TMEM150C: variants seen among roughly 807,000 people sequenced by gnomAD.
TMEM150C encodes the protein transmembrane protein 150C.
In TMEM150C, 10 loss-of-function variants were observed where a neutral mutation model predicts 29.9. The ratio of observed to expected loss-of-function variants is 0.33; its 90% CI spans 0.21 to 0.57. The LOEUF (loss-of-function observed/expected upper bound fraction) is 0.57, where lower values mean the gene tolerates loss of function less well. TMEM150C is among the 20% of genes least tolerant of loss of function. The pLI, the probability that TMEM150C is intolerant of heterozygous loss-of-function variation, is 0.88. For synonymous variants in TMEM150C, 101 were observed against 112.5 expected, an observed-to-expected ratio of 0.90 and a Z score of 0.64; for missense variants, 251 against 303.6, an observed-to-expected ratio of 0.83 and a Z score of 1.29.
chr4:82,500,546 C>T (rs1723705152), intron 5 of TMEM150C, among the ~76,000 whole-genome samples: 1 of 152,034 alleles, frequency 6.6e-6, no homozygotes, highest in African/African-American at 2.4e-5. Context: ...GTAATACCTT[C>T]GAGCAAGAGC....
At chr4:82,529,052 C>T (rs1724747853) in intron 1 of TMEM150C, among the ~76,000 whole-genome samples, 1 of 150,858 alleles carries the variant, frequency 6.6e-6, no homozygotes, top group Non-Finnish European at 1.5e-5. Flanking sequence ...GGGCAGTCAG[C>T]ACACACGGAG....
intron 1 of TMEM150C, 27 bp downstream of exon 1, chr4:82,561,879 A>AG: frequency 1.0e-6 from 1 of 988,716 alleles, no homozygotes. Flanking sequence ...CGACGGGCCC[A>AG]GGCAGGGGAG....
At chr4:82,550,789 CAAA>C (rs751772010) in intron 1 of TMEM150C, among the ~76,000 whole-genome samples, 1 of 112,092 alleles carries the variant, frequency 8.9e-6, no homozygotes. Context: ...GACTCCGTCT[CAAA>C]AAAAAAAAAA....
In TMEM150C at chr4:82,502,916, A is replaced by C. The variant is rs1486854473; in HGVS notation, c.146T>G (p.Val49Gly). Residue 49 changes from valine (V) to glycine (G), a missense_variant, in exon 4 of 8, where the codon GTG becomes GGG. Transcript: ENST00000449862. The stretch of plus-strand genomic sequence containing the variant: ...TTACCTTATATATGGTGCATGCTTC[A>C]CACCAGGTTTCCTGGATAATAAAAA... Reference protein sequence around the residue: ...PLNSAERKPGVKHAPYISIAG... With the variant: ...PLNSAERKPGGKHAPYISIAG... The C allele has an allele frequency of 3.1e-6, 5 of 1,595,604 alleles. No individual in the cohort carries two copies. Among genetic ancestry groups the C allele is most frequent in the Non-Finnish European group, 4.3e-6 (5 of 1,170,558 alleles).
intron 1 of TMEM150C, among the ~76,000 whole-genome samples, chr4:82,532,267 G>T (rs1337832837): frequency 6.6e-6 from 1 of 152,158 alleles, no homozygotes; most frequent in Non-Finnish European, 1.5e-5. Flanking sequence ...AAATATTTCT[G>T]GATTTGTCAA....
At chr4:82,521,479 G>A (rs6835389) in intron 1 of TMEM150C, among the ~76,000 whole-genome samples, 103,596 of 152,156 alleles carry the variant, frequency 0.68, 36,873 homozygotes, top group East Asian at 0.93. Flanking sequence ...TACAGCATGC[G>A]GAACAGCCTG....
chr4:82,507,546 G>A (rs1184129363), intron 1 of TMEM150C, among the ~76,000 whole-genome samples: 4 of 152,008 alleles, frequency 2.6e-5, no homozygotes, highest in Admixed American at 2.0e-4. Context: ...CGACTCTGAT[G>A]TGCTCGCTGC....
chr4:82,529,409 C>T (rs1308437605), intron 1 of TMEM150C, among the ~76,000 whole-genome samples: 2 of 152,106 alleles, frequency 1.3e-5, no homozygotes, highest in Admixed American at 6.5e-5. Context: ...CCATCTCAGC[C>T]TCCCAAGTAG....
chr4:82,492,888 A>G (rs1203438034), intron 6 of TMEM150C, among the ~76,000 whole-genome samples: 1 of 141,258 alleles, frequency 7.1e-6, no homozygotes, highest in Admixed American at 7.1e-5. Flanking sequence ...ATATATATAT[A>G]TATATATATA....
intron 1 of TMEM150C, among the ~76,000 whole-genome samples, chr4:82,532,211 C>T (rs560349477): frequency 1.3e-5 from 2 of 152,156 alleles, no homozygotes; most frequent in Non-Finnish European, 2.9e-5. Flanking sequence ...AGTTAGCAAA[C>T]TTTTAATCAA....
intron 1 of TMEM150C, among the ~76,000 whole-genome samples, chr4:82,551,071 G>A (rs749524917): frequency 3.3e-5 from 5 of 152,144 alleles, no homozygotes; most frequent in South Asian, 2.1e-4. Context: ...AAGAGTTGGG[G>A]GAGAAAGGGA....
At chr4:82,523,153 T>C (rs1724540355) in intron 1 of TMEM150C, among the ~76,000 whole-genome samples, 1 of 151,978 alleles carries the variant, frequency 6.6e-6, no homozygotes, top group Admixed American at 6.6e-5. Flanking sequence ...GAGGAGTGGT[T>C]TTAAGGAGTT....
chr4:82,533,962 A>G (rs780234110), intron 1 of TMEM150C, among the ~76,000 whole-genome samples: 1 of 152,224 alleles, frequency 6.6e-6, no homozygotes, highest in Non-Finnish European at 1.5e-5. Context: ...TCCAAAACCA[A>G]AGTTGGTGCG....
chr4:82,510,290 CA>C (rs375456747), intron 1 of TMEM150C, among the ~76,000 whole-genome samples: 5 of 147,308 alleles, frequency 3.4e-5, no homozygotes, highest in South Asian at 2.2e-4. Flanking sequence ...AAAACAAAAA[CA>C]AAAAAAAAAC....
At chr4:82,526,903 G>C (rs1328957622) in intron 1 of TMEM150C, among the ~76,000 whole-genome samples, 2 of 151,584 alleles carry the variant, frequency 1.3e-5, no homozygotes, top group African/African-American at 4.8e-5. Flanking sequence ...TAAGAATCAT[G>C]ATTTTGTCTC....
intron 1 of TMEM150C, among the ~76,000 whole-genome samples, chr4:82,523,563 C>T (rs1560491169): frequency 6.6e-6 from 1 of 152,210 alleles, no homozygotes; most frequent in African/African-American, 2.4e-5. Flanking sequence ...ATTTGTATAT[C>T]AAAGTTTGCC....
At chr4:82,541,060 A>G (rs373039149) in intron 1 of TMEM150C, among the ~76,000 whole-genome samples, 62 of 152,248 alleles carry the variant, frequency 4.1e-4, no homozygotes, top group African/African-American at 1.1e-3. Flanking sequence ...ACCTACCTCA[A>G]ATATTTGTTA....
intron 5 of TMEM150C, among the ~76,000 whole-genome samples, chr4:82,498,536 T>C (rs1723629504): frequency 6.6e-6 from 1 of 152,098 alleles, no homozygotes; most frequent in Admixed American, 6.6e-5. Context: ...GTGATCTGCC[T>C]GCCTTGGCCT....
intron 1 of TMEM150C, among the ~76,000 whole-genome samples, chr4:82,519,026 T>C (rs983017471): frequency 5.9e-5 from 9 of 152,172 alleles, no homozygotes; most frequent in Non-Finnish European, 1.2e-4. Context: ...GTTGAACCAT[T>C]AGCATTCTCA....
Sources: allele counts gnomAD v4.1 joint callset (sites outside exome capture counted in the v4.1 genomes callset), GRCh38; gene constraint gnomAD v4.1.1; transcripts MANE v1.5; gene names NCBI Gene and HGNC (gene_info 2026-07-23, HGNC 2026-07-21).